PKP2: variants seen among roughly 807,000 people sequenced by gnomAD.
The protein encoded by PKP2 is plakophilin 2, also known as plakophilin-2.
PKP2 carries 73 observed loss-of-function variants against 83.4 expected under a neutral mutation model. The ratio of observed to expected loss-of-function variants is 0.88; its 90% confidence interval spans 0.72 to 1.06. The LOEUF (loss-of-function observed/expected upper bound fraction) is 1.06, where lower values mean the gene tolerates loss of function less well. Ranked by LOEUF, PKP2 falls within the 50% of genes least tolerant of loss-of-function variation. The pLI, the probability that PKP2 is intolerant of heterozygous loss-of-function variation, is 0.00. For synonymous variants in PKP2, 409 were observed against 430.4 expected (o/e 0.95, Z 0.62); for missense variants, 966 against 1,065.4 (o/e 0.91, Z 1.30).
intron 3 of PKP2, among the ~76,000 whole-genome samples, chr12:32,870,000 C>T (rs959532580): frequency 1.3e-5 from 2 of 152,106 alleles, no homozygotes; most frequent in African/African-American, 4.8e-5. Flanking sequence ...CTGCACTCCA[C>T]CCTGAGCAAC....
chr12:32,842,736 G>A (rs1057300388), intron 5 of PKP2, among the ~76,000 whole-genome samples: 4 of 150,408 alleles, frequency 2.7e-5, no homozygotes, highest in East Asian at 2.0e-4. Flanking sequence ...GTGCGGTGGC[G>A]CAATCTCGGC....
In PKP2 at chr12:32,850,960, C is replaced by G. The variant is rs773611613; in HGVS notation, c.1184G>C (p.Arg395Pro). Reference sequence around the variant, plus strand: ...GAGCTGCAGAAGCTTGAGGATGCCACGAAGCTGGTTAACCTGGGGAAGAAG... The same window carrying G: ...GAGCTGCAGAAGCTTGAGGATGCCAGGAAGCTGGTTAACCTGGGGAAGAAG... ...SEARKRVNQL[R>P]GILKLLQLLK... The change falls in exon 5 of 13, where the codon CGT becomes CCT. Residue 395 changes from arginine to proline, a missense_variant. By Grantham distance (103) the Arg-to-Pro change is moderately radical. Coordinates refer to ENST00000340811, the MANE Select transcript of PKP2 (RefSeq NM_001005242.3). The G allele has an allele frequency of 1.9e-6, 3 of 1,613,872 alleles. No homozygotes were observed. The African/African-American group carries it at 4.0e-5, about 22-fold the overall frequency.
chr12:32,853,334 A>G (rs1324964886), intron 4 of PKP2, among the ~76,000 whole-genome samples: 1 of 148,506 alleles, frequency 6.7e-6, no homozygotes, highest in African/African-American at 2.5e-5. Context: ...AATTCAAAAT[A>G]CTCCTGGTCT....
At chr12:32,849,455 G>A (rs1301743573) in intron 5 of PKP2, among the ~76,000 whole-genome samples, 1 of 152,188 alleles carries the variant, frequency 6.6e-6, no homozygotes, top group South Asian at 2.1e-4. Flanking sequence ...CTGGGCTCAA[G>A]CAATCCTCCT....
chr12:32,861,495 C>T (rs1956797282), intron 4 of PKP2, among the ~76,000 whole-genome samples: 1 of 151,938 alleles, frequency 6.6e-6, no homozygotes, highest in African/African-American at 2.4e-5. Context: ...ATATTAAACA[C>T]ATATTAAGAG....
rs527391503 is a variant in PKP2 at position 32,809,149 on chromosome 12, A to G, written c.2014-6593T>C. On this transcript the variant is annotated intron_variant, in intron 9 of 12. Coordinates refer to ENST00000340811, the MANE Select transcript of PKP2 (RefSeq NM_001005242.3). Reference sequence around the variant, plus strand: ...CAGTTGACTGAACCACAGAGATGGCAGCCTCCCCTCCTTCTGGGAGCTGCA... The same window carrying G: ...CAGTTGACTGAACCACAGAGATGGCGGCCTCCCCTCCTTCTGGGAGCTGCA... Among the ~76,000 whole-genome samples, 23 of 152,202 alleles carry G rather than the reference A, an allele frequency of 1.5e-4. No homozygotes were observed. The East Asian group carries it at 4.5e-3, about 29-fold the overall frequency.
At chr12:32,892,715 G>T (rs1957084539) in intron 1 of PKP2, among the ~76,000 whole-genome samples, 1 of 145,216 alleles carries the variant, frequency 6.9e-6, no homozygotes, top group Non-Finnish European at 1.5e-5. Context: ...TTCCAAAGAG[G>T]TTGTAAATAT....
intron 6 of PKP2, 42 bp from the exon 7 acceptor site, chr12:32,824,204 T>C (rs1956411924): frequency 8.5e-6 from 11 of 1,294,408 alleles, no homozygotes; most frequent in Non-Finnish European, 1.2e-5. Context: ...GTCTAGGCTG[T>C]GTATCCAACA....
In PKP2 at chr12:32,802,387, A is replaced by C; in HGVS notation, c.2167+16T>G. On this transcript the variant is annotated intron_variant, in intron 10 of 12. Transcript: ENST00000340811. ...CAGCATGTACATATTACACATAGAT[A>C]CTTATACCGACTCACCAATTTCATT... 4.3e-6 allele frequency: 7 copies of C among 1,611,998 alleles called. No homozygotes were observed. The highest frequency in any genetic ancestry group is 5.9e-6 in the Non-Finnish European group (7 of 1,178,184).
intron 9 of PKP2, among the ~76,000 whole-genome samples, chr12:32,813,698 C>T (rs1956296885): frequency 6.6e-6 from 1 of 151,588 alleles, no homozygotes; most frequent in African/African-American, 2.4e-5. Flanking sequence ...GAGAGAATCA[C>T]TTGAACCCTG....
intron 6 of PKP2, among the ~76,000 whole-genome samples, chr12:32,837,593 A>T (rs1956554967): frequency 6.6e-6 from 1 of 152,148 alleles, no homozygotes; most frequent in African/African-American, 2.4e-5. Flanking sequence ...CTGCTTTTGG[A>T]AGGTGAAATT....
chr12:32,818,730 G>C (rs1427363613), intron 9 of PKP2, among the ~76,000 whole-genome samples: 1 of 151,934 alleles, frequency 6.6e-6, no homozygotes, highest in African/African-American at 2.4e-5. Flanking sequence ...TTTCAGCTTG[G>C]GTTCTTTGCC....
chr12:32,886,080 G>A (rs1160032167), intron 1 of PKP2, among the ~76,000 whole-genome samples: 1 of 152,236 alleles, frequency 6.6e-6, no homozygotes, highest in Non-Finnish European at 1.5e-5. Context: ...ACAGAAATCA[G>A]CAGGTGTTCG....
At chr12:32,804,585 G>C (rs1420418866) in intron 9 of PKP2, among the ~76,000 whole-genome samples, 1 of 152,118 alleles carries the variant, frequency 6.6e-6, no homozygotes, top group African/African-American at 2.4e-5. Flanking sequence ...GTTTGCCAAG[G>C]ATAACAGCCT....
chr12:32,811,194 C>T (rs1480246263), intron 9 of PKP2, among the ~76,000 whole-genome samples: 3 of 152,204 alleles, frequency 2.0e-5, no homozygotes, highest in South Asian at 2.1e-4. Flanking sequence ...AAGAAATTCA[C>T]TCCTTGAAAA....
chr12:32,881,195 C>T (rs757006783), intron 1 of PKP2, among the ~76,000 whole-genome samples: 15 of 152,206 alleles, frequency 9.9e-5, no homozygotes, highest in African/African-American at 1.7e-4. Context: ...TATAGCCAAA[C>T]AATCTGCCTG....
intron 5 of PKP2, among the ~76,000 whole-genome samples, chr12:32,849,935 T>C (rs1034022306): frequency 2.0e-5 from 3 of 152,256 alleles, no homozygotes; most frequent in Admixed American, 2.0e-4. Flanking sequence ...TCCTCCACAC[T>C]GGAAAACTAT....
chr12:32,848,870 T>TA (rs1255664836), intron 5 of PKP2, among the ~76,000 whole-genome samples: 1 of 152,134 alleles, frequency 6.6e-6, no homozygotes, highest in African/African-American at 2.4e-5. Context: ...AAAATCTTTA[T>TA]AGAAAAATTA....
At chr12:32,851,208 G>A (rs1444687031) in intron 4 of PKP2, among the ~76,000 whole-genome samples, 1 of 152,150 alleles carries the variant, frequency 6.6e-6, no homozygotes, top group East Asian at 1.9e-4. Flanking sequence ...TGAAATAATT[G>A]AAGGGGAAGA....
Sources: gnomAD v4.1 joint callset for allele counts (sites outside exome capture counted in the v4.1 genomes callset) on GRCh38, gnomAD v4.1.1 for gene constraint, MANE v1.5 for transcripts, NCBI Gene and HGNC (gene_info 2026-07-23, HGNC 2026-07-21) for gene names.